TCEANC2: variants seen among roughly 807,000 people sequenced by gnomAD.
TCEANC2 encodes transcription elongation factor A N-terminal and central domain-containing protein 2.
A neutral mutation model predicts 22.8 loss-of-function variants in TCEANC2; 20 were observed. The observed-to-expected ratio is 0.88, with a 90% CI of 0.62 to 1.28. TCEANC2 has a LOEUF of 1.28. Ranked by LOEUF, TCEANC2 falls within the 50% of genes most tolerant of loss-of-function variation. The pLI is 0.00. For missense variants in TCEANC2, 251 were observed against 249.7 expected (o/e 1.01, Z -0.03); for synonymous variants, 84 against 95.5 (o/e 0.88, Z 0.70).
chr1:54,106,422 T>C (rs1393847499), downstream of TCEANC2, among the ~76,000 whole-genome samples: 1 of 152,224 alleles, frequency 6.6e-6, no homozygotes, highest in South Asian at 2.1e-4. Context: ...TTTAATAATA[T>C]ATTTTGAGTC....
chr1:54,096,503 CA>C lies in TCEANC2; in HGVS notation c.*31del, dbSNP rs770044271. 3 of 1,572,448 alleles carry C rather than the reference CA, an allele frequency of 1.9e-6. No individual in the cohort carries two copies. The highest frequency in any genetic ancestry group is 4.6e-5 in the East Asian group (2 of 43,868). ...AGGACGGTTCCAGCCCTGGGCCAGG[CA>C]GAGAGGAAAATGGGCCTGTCTCTGC... On this transcript the variant is annotated 3_prime_UTR_variant, in exon 5 of 5. Coordinates refer to ENST00000234827, the MANE Select transcript of TCEANC2 (RefSeq NM_153035.3). This position sits in a 1 kb window ranked among gnomAD's most constrained non-coding sequence, Gnocchi z 4.9.
chr1:54,111,631 A>G (rs1658841371), exon 5 of TCEANC2: 1 of 152,214 alleles, frequency 6.6e-6, no homozygotes, highest in Admixed American at 6.5e-5. Context: ...TGAAGATGTG[A>G]TGATGGTAGC....
chr1:54,107,729 A>G (rs983194186), downstream of TCEANC2, among the ~76,000 whole-genome samples: 1 of 152,202 alleles, frequency 6.6e-6, no homozygotes, highest in African/African-American at 2.4e-5. Flanking sequence ...TTTTAAATGC[A>G]GAAAACATAC....
chr1:54,103,196 C>A lies in TCEANC2; in HGVS notation c.*6723C>A, dbSNP rs1252101591. ...CTCTGAGGCCACCCCAGAGCTGACA[C>A]AATGGGTGTATAAACAGCAACCATG... is the stretch of plus-strand genomic sequence containing the variant. On this transcript the variant is annotated 3_prime_UTR_variant, in exon 5 of 5. Transcript: ENST00000234827. 1 of 152,370 alleles carries A rather than the reference C, an allele frequency of 6.6e-6. No individual in the cohort carries two copies. 9.4% of individuals were successfully genotyped at this position (152,370 alleles called of 1,614,324 possible).
intron 4 of TCEANC2, among the ~76,000 whole-genome samples, chr1:54,092,415 C>T (rs1658463407): frequency 6.6e-6 from 1 of 152,128 alleles, no homozygotes; most frequent in African/African-American, 2.4e-5. Flanking sequence ...GTGGAGCCCG[C>T]CTTTGTAAGA....
chr1:54,091,098 C>CT (rs1211767328), intron 4 of TCEANC2, among the ~76,000 whole-genome samples: 1 of 150,178 alleles, frequency 6.7e-6, no homozygotes, highest in Non-Finnish European at 1.5e-5. Context: ...GTTTTGTTCC[C>CT]AAAGAGTAAA....
At chr1:54,106,083 C>T (rs1305764726), downstream of TCEANC2, 1 of 152,076 alleles carries the variant, frequency 6.6e-6, no homozygotes, top group African/African-American at 2.4e-5. Flanking sequence ...TTTACAAAAA[C>T]AGGTGGTGGG....
chr1:54,094,854 A>G (rs1658515335), intron 4 of TCEANC2, among the ~76,000 whole-genome samples: 1 of 152,166 alleles, frequency 6.6e-6, no homozygotes, highest in Non-Finnish European at 1.5e-5. Context: ...AATATAGATC[A>G]TTGGCTGGGT....
chr1:54,082,161 A>C (rs1658256770), intron 3 of TCEANC2, among the ~76,000 whole-genome samples: 1 of 152,236 alleles, frequency 6.6e-6, no homozygotes, highest in African/African-American at 2.4e-5. Flanking sequence ...ATTTGTAAAA[A>C]GAGATATAAT....
chr1:54,090,817 T>C (rs1374365039), intron 4 of TCEANC2, among the ~76,000 whole-genome samples: 1 of 152,212 alleles, frequency 6.6e-6, no homozygotes, highest in Non-Finnish European at 1.5e-5. Context: ...ATATAATACG[T>C]AGTTAATGTG....
intron 4 of TCEANC2, among the ~76,000 whole-genome samples, chr1:54,095,287 C>A (rs1005291991): frequency 6.6e-5 from 10 of 152,132 alleles, no homozygotes; most frequent in African/African-American, 2.4e-4. Context: ...CTTTGACATA[C>A]AAAGAGGAGT....
intron 2 of TCEANC2, among the ~76,000 whole-genome samples, chr1:54,058,956 C>T (rs562582112): frequency 6.6e-6 from 1 of 152,076 alleles, no homozygotes; most frequent in East Asian, 1.9e-4. Context: ...TGCCCAGCCT[C>T]TTGCTGTTCT....
intron 3 of TCEANC2, among the ~76,000 whole-genome samples, chr1:54,086,971 C>T (rs1658350738): frequency 6.6e-6 from 1 of 152,192 alleles, no homozygotes; most frequent in South Asian, 2.1e-4. Context: ...AGTGCTCACA[C>T]ACCCATTCTT....
At chr1:54,054,194 T>A in intron 1 of TCEANC2, 187 bp from the exon 2 acceptor site, 1 of 1,394,920 alleles carries the variant, frequency 7.2e-7, no homozygotes, top group Non-Finnish European at 9.5e-7. Flanking sequence ...CGTAGACTGA[T>A]GATTGATTAC....
Position 54,098,745 on chromosome 1 carries a change from G to A in TCEANC2, c.*2272G>A, listed in dbSNP as rs1262340268. 2 of 152,180 alleles carry A rather than the reference G, an allele frequency of 1.3e-5. No homozygotes were observed. The highest frequency in any genetic ancestry group is 2.9e-5 in the Non-Finnish European group (2 of 68,040). The allele number at this position is 152,180 out of a possible 1,614,324, so 9.4% of individuals were successfully genotyped here. A position where few individuals can be genotyped will look rare whatever the true frequency, so the allele number is the denominator to read the frequency against. On this transcript the variant is annotated 3_prime_UTR_variant, in exon 5 of 5. Coordinates refer to ENST00000234827, the MANE Select transcript of TCEANC2 (RefSeq NM_153035.3). ...CAGTATAAGCATCTAATTCAATCAG[G>A]GAGTGCTTCCTGGAGGAGCTGATAC...
chr1:54,094,945 T>G (rs1384424366), intron 4 of TCEANC2, among the ~76,000 whole-genome samples: 1 of 151,902 alleles, frequency 6.6e-6, no homozygotes, highest in East Asian at 1.9e-4. Context: ...TCAAGACCAG[T>G]CTGGGCAACA....
In TCEANC2 at chr1:54,097,308, T is replaced by A. The variant is rs1658577294; in HGVS notation, c.*835T>A. 1.6e-5 allele frequency: 2 copies of A among 125,306 alleles called. No individual in the cohort carries two copies. Among genetic ancestry groups the A allele is most frequent in the South Asian group, 4.6e-4 (2 of 4,392 alleles). The allele number at this position is 125,306 out of a possible 1,614,324, so 7.8% of individuals were successfully genotyped here. On this transcript the variant is annotated 3_prime_UTR_variant, in exon 5 of 5. Transcript: ENST00000234827. ...TTAAAAGTAATAGTAAGCTGGGAAC[T>A]TTTTTTTCTAAAACAAAAGGTGGAG... is the stretch of plus-strand genomic sequence containing the variant.
intron 3 of TCEANC2, among the ~76,000 whole-genome samples, chr1:54,076,421 C>T (rs1658144202): frequency 6.6e-6 from 1 of 152,198 alleles, no homozygotes; most frequent in African/African-American, 2.4e-5. Context: ...CATGTTCCCA[C>T]AAAGGACATG....
chr1:54,070,287 A>G (rs1435097512), intron 3 of TCEANC2, among the ~76,000 whole-genome samples: 5 of 152,184 alleles, frequency 3.3e-5, no homozygotes, highest in African/African-American at 1.2e-4. Context: ...AAGTATTTCC[A>G]CCAGTAGAGG....
Sources: allele counts gnomAD v4.1 joint callset (sites outside exome capture counted in the v4.1 genomes callset), GRCh38; gene constraint gnomAD v4.1.1; non-coding constraint Gnocchi (gnomAD v3.1); transcripts MANE v1.5; gene names NCBI Gene and HGNC (gene_info 2026-07-23, HGNC 2026-07-21).